CNR2: variants seen among roughly 807,000 people sequenced by gnomAD.
CNR2 encodes the protein cannabinoid receptor 2, also known as cannabinoid receptor 2 (macrophage).
For synonymous variants in CNR2, 172 were observed against 182.2 expected (o/e 0.94, Z 0.45); for missense variants, 379 against 439.9 (o/e 0.86, Z 1.24).
At chr1:23,891,275 T>TTGTGTGTGTGTGTG (rs57856234) in intron 1 of CNR2, among the ~76,000 whole-genome samples, 562 of 150,420 alleles carry the variant, frequency 3.7e-3, no homozygotes, top group African/African-American at 6.1e-3. Context: ...ACCAAATCTT[T>TTGTGTGTGTGTGTG]TGTGTGTGTG....
chr1:23,898,049 T>C (rs892485389), intron 1 of CNR2, among the ~76,000 whole-genome samples: 14 of 151,716 alleles, frequency 9.2e-5, no homozygotes, highest in African/African-American at 3.4e-4. Flanking sequence ...GTTTTTGAGA[T>C]GGAGTCTCAC....
intron 1 of CNR2, among the ~76,000 whole-genome samples, chr1:23,883,567 G>A (rs1640029571): frequency 6.6e-6 from 1 of 152,200 alleles, no homozygotes; most frequent in Non-Finnish European, 1.5e-5. Flanking sequence ...GCTCATGCTT[G>A]TAATCCTAGC....
chr1:23,888,258 A>G (rs1640123451), intron 1 of CNR2, among the ~76,000 whole-genome samples: 1 of 152,212 alleles, frequency 6.6e-6, no homozygotes, highest in African/African-American at 2.4e-5. Context: ...AGTGTTTGCC[A>G]CAGTGAAGAG....
chr1:23,888,708 C>A (rs1437129866), intron 1 of CNR2, among the ~76,000 whole-genome samples: 1 of 152,120 alleles, frequency 6.6e-6, no homozygotes, highest in East Asian at 1.9e-4. Context: ...CGGTGGCTCA[C>A]GCCTGTAATC....
intron 1 of CNR2, among the ~76,000 whole-genome samples, chr1:23,897,205 G>A (rs897543079): frequency 6.6e-6 from 1 of 151,968 alleles, no homozygotes. Flanking sequence ...ATCTCAAAAG[G>A]TCCTTCAAAC....
rs1354890911 is a variant in CNR2 at position 23,872,105 on chromosome 1, C to T, written c.*2430G>A. ...CCAAGATCATGTCACTGCACTCCTG[C>T]CTGGACAACAGAATGAGATTCCGTC... On this transcript the variant is annotated 3_prime_UTR_variant, in exon 2 of 2. Coordinates refer to ENST00000374472, the MANE Select transcript of CNR2 (RefSeq NM_001841.3). 8.7e-6 allele frequency: 1 copy of T among 115,416 alleles called. No individual in the cohort carries two copies. The highest frequency in any genetic ancestry group is 3.5e-5 in the African/African-American group (1 of 28,586). 7.1% of individuals were successfully genotyped at this position (115,416 alleles called of 1,614,324 possible).
At chr1:23,883,027 T>C (rs1640019551) in intron 1 of CNR2, among the ~76,000 whole-genome samples, 1 of 151,944 alleles carries the variant, frequency 6.6e-6, no homozygotes, top group Admixed American at 6.6e-5. Flanking sequence ...TTTGAAAAGA[T>C]TATAAAATAG....
chr1:23,877,623 C>A (rs1478299399), intron 1 of CNR2, among the ~76,000 whole-genome samples: 1 of 148,674 alleles, frequency 6.7e-6, no homozygotes, highest in African/African-American at 2.5e-5. Context: ...GCCTGGGCAA[C>A]AGAGCAAGAC....
intron 1 of CNR2, among the ~76,000 whole-genome samples, chr1:23,887,856 TAA>T (rs56170964): frequency 1.7e-4 from 25 of 150,372 alleles, no homozygotes; most frequent in South Asian, 4.2e-4. Context: ...AAGTTAAAGT[TAA>T]AAAAAAAAAA....
Position 23,872,967 on chromosome 1 carries a change from G to A in CNR2, c.*1568C>T, listed in dbSNP as rs1322058886. ...GAGACAGGGGCACAGTCTCATTTAT[G>A]GCTGGGTACTCAGGACCCTGCACAG... On this transcript the variant is annotated 3_prime_UTR_variant, in exon 2 of 2. Coordinates refer to ENST00000374472, the MANE Select transcript of CNR2 (RefSeq NM_001841.3). 6.6e-6 allele frequency: 1 copy of A among 152,158 alleles called. No homozygotes were observed. Among genetic ancestry groups the A allele is most frequent in the African/African-American group, 2.4e-5 (1 of 41,426 alleles). The allele number at this position is 152,158 out of a possible 1,614,324, so 9.4% of individuals were successfully genotyped here.
chr1:23,874,838 T>A lies in CNR2; in HGVS notation c.780A>T (p.Pro260=). 1 of 1,614,072 alleles carries A rather than the reference T, an allele frequency of 6.2e-7. No individual in the cohort carries two copies. Among genetic ancestry groups the A allele is most frequent in the Non-Finnish European group, 8.5e-7 (1 of 1,179,932 alleles). ...VLAVLLICWF[P]VLALMAHSLA... is the part of the protein sequence containing the mutation. Reference sequence around the variant, plus strand: ...GGCTGTGGGCCATGAGGGCCAGCACTGGGAACCAACAGATGAGGAGCACAG... The same window carrying A: ...GGCTGTGGGCCATGAGGGCCAGCACAGGGAACCAACAGATGAGGAGCACAG... The change falls in exon 2 of 2, where the codon CCA becomes CCT. Residue 260 remains proline (P), a synonymous_variant. Transcript: ENST00000374472.
chr1:23,904,031 T>C (rs1351245940), intron 1 of CNR2, among the ~76,000 whole-genome samples: 1 of 152,082 alleles, frequency 6.6e-6, no homozygotes, highest in East Asian at 1.9e-4. Flanking sequence ...TGTTAAAAAA[T>C]TGCATTTGGG....
chr1:23,889,960 T>C (rs965410088), intron 1 of CNR2, among the ~76,000 whole-genome samples: 1 of 151,566 alleles, frequency 6.6e-6, no homozygotes, highest in African/African-American at 2.4e-5. Context: ...CTTAATAGAG[T>C]TAGTTTATAG....
chr1:23,902,668 C>A, intron 1 of CNR2: 1 of 1,595,280 alleles, frequency 6.3e-7, no homozygotes, highest in Non-Finnish European at 8.5e-7. Flanking sequence ...CCCGGGGGTC[C>A]CACGACAAAG....
At chr1:23,911,860 A>C (rs916256382) in intron 1 of CNR2, among the ~76,000 whole-genome samples, 1 of 152,118 alleles carries the variant, frequency 6.6e-6, no homozygotes, top group Non-Finnish European at 1.5e-5. Context: ...TGGGGCCAGG[A>C]TTATTGGGAC....
chr1:23,894,866 C>T (rs1640252892), intron 1 of CNR2, among the ~76,000 whole-genome samples: 1 of 152,136 alleles, frequency 6.6e-6, no homozygotes, highest in Non-Finnish European at 1.5e-5. Context: ...CATCCAGTTG[C>T]TTTGCATTCT....
intron 1 of CNR2, among the ~76,000 whole-genome samples, chr1:23,897,813 T>C (rs1640309712): frequency 6.6e-6 from 1 of 152,108 alleles, no homozygotes; most frequent in African/African-American, 2.4e-5. Flanking sequence ...TCTCTTTAAT[T>C]GTCTGGTTTA....
rs1334169209 is a variant in CNR2 at position 23,875,325 on chromosome 1, T to C, written c.293A>G (p.His98Arg). Residue 98 changes from histidine (H) to arginine (R), a missense_variant, in exon 2 of 2, where the codon CAT becomes CGT. By Grantham distance (29) the His-to-Arg change is conservative. Transcript: ENST00000374472. ...GAAGACAGCCTTGGAATCCACACCA[T>C]GGAAAACATGGAAATTCACAAAGCT... ...ACSFVNFHVF[H>R]GVDSKAVFLL... The C allele has an allele frequency of 6.2e-7, 1 of 1,614,134 alleles. No individual in the cohort carries two copies. The highest frequency in any genetic ancestry group is 8.5e-7 in the Non-Finnish European group (1 of 1,180,024).
intron 1 of CNR2, chr1:23,901,444 C>A: frequency 6.6e-7 from 1 of 1,524,772 alleles, no homozygotes; most frequent in Non-Finnish European, 8.8e-7. Flanking sequence ...ATCCACTCGC[C>A]GACCTGCTGC....
Sources: allele counts gnomAD v4.1 joint callset (sites outside exome capture counted in the v4.1 genomes callset), GRCh38; gene constraint gnomAD v4.1.1; transcripts MANE v1.5; gene names NCBI Gene and HGNC (gene_info 2026-07-23, HGNC 2026-07-21).